The following CSMD3 variants were observed in gnomAD, a reference collection of about 807,000 sequenced individuals.
CSMD3 encodes the protein CUB and sushi domain-containing protein 3.
In CSMD3, 177 loss-of-function variants were observed where a neutral mutation model predicts 435.2. That is an observed-to-expected ratio of 0.41 (90% confidence interval 0.36 to 0.46). The LOEUF is 0.46. CSMD3 is among the 20% of genes least tolerant of loss of function. The probability of loss-of-function intolerance (pLI) is 0.34; values close to 1 mark genes in which losing one functional copy is unlikely to be tolerated. For missense variants in CSMD3, 4,265 were observed against 4,504.6 expected, an observed-to-expected ratio of 0.95 and a Z score of 1.52; for synonymous variants, 1,656 against 1,520.5, an observed-to-expected ratio of 1.09 and a Z score of -2.07.
chr8:113,255,731 T>C (rs1259160727), intron 3 of CSMD3, among the ~76,000 whole-genome samples: 1 of 151,990 alleles, frequency 6.6e-6, no homozygotes, highest in Non-Finnish European at 1.5e-5. Flanking sequence ...ACTTAGATTT[T>C]GAATCTGAAA....
intron 10 of CSMD3, among the ~76,000 whole-genome samples, chr8:112,894,003 C>T (rs1288677695): frequency 6.6e-6 from 1 of 151,182 alleles, no homozygotes; most frequent in East Asian, 2.0e-4. Flanking sequence ...AGAGAGACTC[C>T]CAGGGTAAAA....
chr8:112,973,176 G>A (rs1258743877), intron 7 of CSMD3, among the ~76,000 whole-genome samples: 1 of 151,852 alleles, frequency 6.6e-6, no homozygotes, highest in Non-Finnish European at 1.5e-5. Context: ...ATTAATCACT[G>A]AAAGCTTTAA....
At chr8:112,326,962 C>T (rs994847954) in intron 45 of CSMD3, among the ~76,000 whole-genome samples, 4 of 152,170 alleles carry the variant, frequency 2.6e-5, no homozygotes, top group African/African-American at 7.2e-5. Flanking sequence ...ACAGAGGTTG[C>T]AGTCAGCTGA....
At chr8:112,560,986 G>T (rs1828569160) in intron 24 of CSMD3, among the ~76,000 whole-genome samples, 1 of 151,612 alleles carries the variant, frequency 6.6e-6, no homozygotes, top group Non-Finnish European at 1.5e-5. Context: ...TGTAAATGTG[G>T]TTGGGCATTG....
chr8:112,790,667 GA>G (rs1372108798), intron 13 of CSMD3, among the ~76,000 whole-genome samples: 2 of 151,454 alleles, frequency 1.3e-5, no homozygotes, highest in Non-Finnish European at 2.9e-5. Flanking sequence ...AACCTACTGA[GA>G]AAAAAAAGAA....
In CSMD3 at chr8:112,235,136, C is replaced by T. The variant is rs555199277; in HGVS notation, c.10628-659G>A. On this transcript the variant is annotated intron_variant, in intron 67 of 70. Transcript: ENST00000297405. ...ATCCCAGCACTTTGGGAAGCCAAGG[C>T]GGACAGATGGTCTGAATCCAAAAGT... 9.2e-5 allele frequency among the ~76,000 whole-genome samples: 14 copies of T among 152,190 alleles called. No homozygotes were observed. The East Asian group carries it at 1.9e-3, about 21-fold the overall frequency.
At chr8:112,848,421 T>C (rs2080390163) in intron 11 of CSMD3, among the ~76,000 whole-genome samples, 1 of 152,102 alleles carries the variant, frequency 6.6e-6, no homozygotes, top group South Asian at 2.1e-4. Context: ...TATTAATTAA[T>C]TATTTTATTT....
chr8:112,393,715 G>A (rs546863734), intron 35 of CSMD3, among the ~76,000 whole-genome samples: 15 of 152,230 alleles, frequency 9.9e-5, no homozygotes, highest in African/African-American at 3.4e-4. Context: ...CCATGTCAAA[G>A]TCACCAGAAT....
At chr8:112,273,028 T>C (rs1817672932) in intron 59 of CSMD3, among the ~76,000 whole-genome samples, 2 of 152,224 alleles carry the variant, frequency 1.3e-5, no homozygotes, top group Admixed American at 6.5e-5. Context: ...GATATTTCTC[T>C]TTGAAGAACT....
intron 3 of CSMD3, among the ~76,000 whole-genome samples, chr8:113,239,152 C>T (rs1180345162): frequency 6.6e-6 from 1 of 152,032 alleles, no homozygotes; most frequent in South Asian, 2.1e-4. Context: ...ACATTGGTTG[C>T]CTGTGAATAA....
chr8:112,744,153 C>A (rs1428996040), intron 13 of CSMD3, among the ~76,000 whole-genome samples: 1 of 152,016 alleles, frequency 6.6e-6, no homozygotes, highest in African/African-American at 2.4e-5. Flanking sequence ...TGTACTGCAA[C>A]AATTTGTCCA....
chr8:112,308,992 T>G (rs891432281), intron 50 of CSMD3, among the ~76,000 whole-genome samples: 3 of 152,052 alleles, frequency 2.0e-5, no homozygotes, highest in Non-Finnish European at 2.9e-5. Context: ...CCTGTAAGCA[T>G]TTTTTCTTAA....
intron 30 of CSMD3, among the ~76,000 whole-genome samples, chr8:112,498,025 G>A (rs1359023800): frequency 6.6e-6 from 1 of 152,024 alleles, no homozygotes; most frequent in Non-Finnish European, 1.5e-5. Context: ...AAGACAGTGG[G>A]TGGGGAAGAA....
chr8:112,637,991 T>A (rs1183025657), intron 21 of CSMD3, among the ~76,000 whole-genome samples: 1 of 151,828 alleles, frequency 6.6e-6, no homozygotes, highest in Non-Finnish European at 1.5e-5. Flanking sequence ...TAGCTAGTTG[T>A]GTTCATTCAA....
chr8:112,291,315 C>T (rs900626260), intron 56 of CSMD3, among the ~76,000 whole-genome samples, 195 bp downstream of exon 56: 9 of 151,738 alleles, frequency 5.9e-5, no homozygotes, highest in African/African-American at 2.2e-4. Flanking sequence ...AAATATTTAT[C>T]ACATTAATTT....
chr8:113,100,372 A>C (rs1255732319), intron 4 of CSMD3, among the ~76,000 whole-genome samples: 7 of 152,078 alleles, frequency 4.6e-5, no homozygotes, highest in Admixed American at 4.6e-4. Flanking sequence ...TCTTCTAGTA[A>C]TCCTGTCCTG....
intron 38 of CSMD3, among the ~76,000 whole-genome samples, chr8:112,373,281 T>C (rs1828616176): frequency 6.6e-6 from 1 of 152,116 alleles, no homozygotes; most frequent in Admixed American, 6.5e-5. Context: ...GACTGTGATT[T>C]CCCCACTGTG....
At chr8:112,622,626 A>G (rs1834164629) in intron 22 of CSMD3, among the ~76,000 whole-genome samples, 1 of 152,144 alleles carries the variant, frequency 6.6e-6, no homozygotes, top group Admixed American at 6.6e-5. Context: ...ATGCAAAAGA[A>G]TGAATTTAAG....
At chr8:113,074,053 GT>G (rs914950936) in intron 5 of CSMD3, among the ~76,000 whole-genome samples, 6 of 151,518 alleles carry the variant, frequency 4.0e-5, no homozygotes, top group Non-Finnish European at 7.4e-5. Flanking sequence ...TATTATCCTT[GT>G]TTTTGACAGT....
Sources: allele counts gnomAD v4.1 joint callset (sites outside exome capture counted in the v4.1 genomes callset), GRCh38; gene constraint gnomAD v4.1.1; transcripts MANE v1.5; gene names NCBI Gene and HGNC (gene_info 2026-07-23, HGNC 2026-07-21).